Variants in TLR6 observed in about 807,000 individuals in gnomAD.
The protein encoded by TLR6 is toll-like receptor 6.
TLR6 carries 9 observed loss-of-function variants against 16.1 expected under a neutral mutation model. That is an observed-to-expected ratio of 0.56 (90% confidence interval 0.34 to 0.98). The LOEUF is 0.98. Ranked by LOEUF, TLR6 falls within the 50% of genes least tolerant of loss-of-function variation. The pLI, the probability that TLR6 is intolerant of heterozygous loss-of-function variation, is 0.02. For missense variants in TLR6, 786 were observed against 921.0 expected (o/e 0.85, Z 1.90); for synonymous variants, 340 against 338.6 (o/e 1.00, Z -0.04).
chr4:38,866,650 G>A, the TLR6 span, among the ~76,000 whole-genome samples: 1 of 151,970 alleles, frequency 6.6e-6, no homozygotes. Context: ...TGGTTGATAT[G>A]TATTGACCAA....
upstream of TLR6, among the ~76,000 whole-genome samples, chr4:38,861,384 G>A (rs1713190720): frequency 6.6e-6 from 1 of 151,948 alleles, no homozygotes; most frequent in Non-Finnish European, 1.5e-5. Context: ...ATTAGCAATG[G>A]CTGCACCCCC....
At chr4:38,834,392 T>A (rs561188154) in intron 1 of TLR6, among the ~76,000 whole-genome samples, 2 of 147,920 alleles carry the variant, frequency 1.4e-5, no homozygotes, top group African/African-American at 4.9e-5. Flanking sequence ...AGAAAGCCTA[T>A]GGAACACCAT....
chr4:38,842,718 C>T (rs889817349), intron 1 of TLR6, among the ~76,000 whole-genome samples: 5 of 152,232 alleles, frequency 3.3e-5, no homozygotes, highest in Non-Finnish European at 5.9e-5. Flanking sequence ...GGCATCCTGG[C>T]CGCCTGTCCT....
chr4:38,858,792 G>A (rs13138651), upstream of TLR6, among the ~76,000 whole-genome samples: 1,221 of 17,376 alleles, frequency 0.07, 2 homozygotes, highest in Middle Eastern at 0.12. Flanking sequence ...AGAGAGAGAG[G>A]GAGAGAGAGA....
intron 1 of TLR6, among the ~76,000 whole-genome samples, chr4:38,834,051 A>C (rs1428621606): frequency 6.7e-6 from 1 of 150,338 alleles, no homozygotes; most frequent in Non-Finnish European, 1.5e-5. Flanking sequence ...AAATGGTGAA[A>C]CCATATCTGT....
At chr4:38,836,292 G>T (rs1310219375) in intron 1 of TLR6, among the ~76,000 whole-genome samples, 1 of 151,896 alleles carries the variant, frequency 6.6e-6, no homozygotes, top group Non-Finnish European at 1.5e-5. Flanking sequence ...AATAAAAAAG[G>T]AGACATTACA....
At chr4:38,848,233 C>A (rs1241793972) in intron 1 of TLR6, among the ~76,000 whole-genome samples, 1 of 151,718 alleles carries the variant, frequency 6.6e-6, no homozygotes, top group Admixed American at 6.6e-5. Flanking sequence ...CTGACTGTTA[C>A]AAGGAAAACT....
At chr4:38,828,237 T>C (rs763678601) in exon 2 of TLR6, 3 of 1,613,442 alleles carry the variant, frequency 1.9e-6, no homozygotes, top group Non-Finnish European at 2.5e-6. Context: ...TCCAAAGAAT[T>C]CCAGCTAACA....
intron 1 of TLR6, among the ~76,000 whole-genome samples, chr4:38,844,419 C>T (rs1251788116): frequency 6.6e-6 from 1 of 152,094 alleles, no homozygotes; most frequent in Non-Finnish European, 1.5e-5. Context: ...AGTAATATTG[C>T]ATCAAAATTT....
At chr4:38,824,346 G>A (rs1347503333) in exon 2 of TLR6, 1 of 152,272 alleles carries the variant, frequency 6.6e-6, no homozygotes, top group Non-Finnish European at 1.5e-5. Flanking sequence ...AGACAGTGAT[G>A]TGTTCTGTGA....
At chr4:38,826,358 G>A (rs867338374) in exon 2 of TLR6, 2 of 152,128 alleles carry the variant, frequency 1.3e-5, no homozygotes, top group East Asian at 1.9e-4. Context: ...ACTGTCTTTC[G>A]TCAGCTTTGA....
chr4:38,828,701 T>C (rs1727677435), exon 2 of TLR6: 2 of 1,614,024 alleles, frequency 1.2e-6, no homozygotes, highest in African/African-American at 1.3e-5. Flanking sequence ...CGTTTCTATG[T>C]GGTTGAGGGT....
exon 2 of TLR6, chr4:38,826,639 A>T (rs1727554534): frequency 6.4e-6 from 1 of 155,422 alleles, no homozygotes; most frequent in Non-Finnish European, 1.4e-5. Context: ...TAGCTGATCT[A>T]ATTTTTTCCC....
At chr4:38,830,078 C>T (rs1478994129) in intron 1 of TLR6, among the ~76,000 whole-genome samples, 1 of 152,212 alleles carries the variant, frequency 6.6e-6, no homozygotes, top group Middle Eastern at 3.2e-3. Context: ...CAGAGGAGAC[C>T]TGAGAAAATC....
chr4:38,826,885 A>G, exon 2 of TLR6: 1 of 508,422 alleles, frequency 2.0e-6, no homozygotes, highest in Admixed American at 3.6e-5. Flanking sequence ...TGATTAAACC[A>G]GAAGAGACTG....
upstream of TLR6, among the ~76,000 whole-genome samples, chr4:38,858,005 C>T (rs966455522): frequency 2.6e-5 from 4 of 152,204 alleles, no homozygotes; most frequent in Non-Finnish European, 5.9e-5. Context: ...ACTATCACTG[C>T]AGATCTGGGC....
exon 2 of TLR6, chr4:38,827,470 ATCT>A (rs1334292299): frequency 1.2e-6 from 2 of 1,614,092 alleles, no homozygotes; most frequent in African/African-American, 2.7e-5. Flanking sequence ...AAATCTGTAT[ATCT>A]TCTTTTTCTA....
chr4:38,864,311 G>A, the TLR6 span, among the ~76,000 whole-genome samples: 5 of 152,142 alleles, frequency 3.3e-5, no homozygotes, highest in South Asian at 2.1e-4. Context: ...ACCTACAGCC[G>A]TATTTGGTAC....
chr4:38,849,050 G>A (rs1362562558), intron 1 of TLR6, among the ~76,000 whole-genome samples: 1 of 152,218 alleles, frequency 6.6e-6, no homozygotes, highest in Admixed American at 6.5e-5. Flanking sequence ...TACCCACAAA[G>A]GGAAGCCCAT....
Sources: allele counts gnomAD v4.1 joint callset (sites outside exome capture counted in the v4.1 genomes callset), GRCh38; gene constraint gnomAD v4.1.1; transcripts MANE v1.5; gene names NCBI Gene and HGNC (gene_info 2026-07-23, HGNC 2026-07-21).